The following PCDHA8 variants were observed in gnomAD, a reference collection of about 807,000 sequenced individuals.
The protein encoded by PCDHA8 is protocadherin alpha 8, also known as protocadherin alpha-8.
Under a neutral mutation model 61.8 loss-of-function variants are expected in PCDHA8, and 53 were observed. The observed-to-expected ratio is 0.86, with a 90% CI of 0.69 to 1.08. The LOEUF is 1.08. PCDHA8 is among the 50% of genes least tolerant of loss of function. PCDHA8 has a pLI of 0.00. For missense variants in PCDHA8, 1,293 were observed against 1,245.0 expected (o/e 1.04, Z -0.58); for synonymous variants, 618 against 556.6 (o/e 1.11, Z -1.55).
rs782673398 is a variant in PCDHA8, at chr5:140,875,932, C to A, written c.2394+32217C>A. ...TGCGCCTCTGGACTCTCATTTTCCTCTAGAGGGCGCTTCTGATGCGGATAT... is the reference window on the plus strand; with the variant it reads ...TGCGCCTCTGGACTCTCATTTTCCTATAGAGGGCGCTTCTGATGCGGATAT... On this transcript the variant is annotated intron_variant, in intron 1 of 3. Coordinates refer to ENST00000531613, the MANE Select transcript of PCDHA8 (RefSeq NM_018911.3). The A allele has an allele frequency of 3.1e-6, 5 of 1,614,154 alleles. No individual in the cohort carries two copies.
chr5:140,850,123 C>A (rs2150468826), intron 1 of PCDHA8: 9 of 1,595,920 alleles, frequency 5.6e-6, no homozygotes, highest in African/African-American at 2.7e-5. Context: ...GCGGGCGTGC[C>A]GCCTCTGGGC....
At chr5:140,982,253 A>T (rs1209317234) in intron 2 of PCDHA8, 1 of 777,640 alleles carries the variant, frequency 1.3e-6, no homozygotes, top group African/African-American at 1.8e-5. Flanking sequence ...AAGATAGAAC[A>T]TGTGTGTTCC....
chr5:140,924,921 T>A (rs1167960449), intron 1 of PCDHA8, among the ~76,000 whole-genome samples: 5 of 126,218 alleles, frequency 4.0e-5, no homozygotes, highest in African/African-American at 1.5e-4. Context: ...TAAAATAAAA[T>A]AAAATAAAAT....
rs561153933 is a variant in PCDHA8, at chr5:140,927,279, G to A, written c.2395-51670G>A. Reference sequence around the variant, plus strand: ...CACCTCTCTTTCCTGCCGGCGACGTGCAGCTGCACATCCCCGAGTTCCTGA... The same window carrying A: ...CACCTCTCTTTCCTGCCGGCGACGTACAGCTGCACATCCCCGAGTTCCTGA... On this transcript the variant is annotated intron_variant, in intron 1 of 3. Transcript: ENST00000531613. 14 of 1,614,136 alleles carry A rather than the reference G, an allele frequency of 8.7e-6. 1 individual carries two copies. The South Asian group carries it at 1.4e-4, about 16-fold the overall frequency.
chr5:140,842,313 C>A lies in PCDHA8; in HGVS notation c.992C>A (p.Ala331Glu). The change falls in exon 1 of 4, where the codon GCG becomes GAG. Residue 331 changes from alanine (A) to glutamate (E), a missense_variant. Ala to Glu is a moderately radical substitution (Grantham distance 107). Coordinates refer to ENST00000531613, the MANE Select transcript of PCDHA8 (RefSeq NM_018911.3). ...DATDKGHPPM[A>E]GHCTVLVRIL... is the part of the protein sequence containing the mutation. ...ACGGACAAAGGCCATCCTCCCATGG[C>A]GGGTCATTGCACCGTTTTAGTGAGA... 1 of 1,607,028 alleles carries A rather than the reference C, an allele frequency of 6.2e-7. No individual in the cohort carries two copies. Among genetic ancestry groups the A allele is most frequent in the Non-Finnish European group, 8.5e-7 (1 of 1,173,850 alleles).
chr5:140,912,101 A>G (rs781989328), intron 1 of PCDHA8, among the ~76,000 whole-genome samples: 2 of 152,194 alleles, frequency 1.3e-5, no homozygotes, highest in Non-Finnish European at 2.9e-5. Context: ...CAGGAGAAAG[A>G]TGTAGGCTGG....
intron 1 of PCDHA8, chr5:140,876,529 A>G (rs375358450): frequency 1.2e-5 from 19 of 1,614,034 alleles, no homozygotes; most frequent in Non-Finnish European, 1.5e-5. Context: ...AGTAATGGTT[A>G]CTTCACTGTC....
In PCDHA8 at chr5:140,893,987, T is replaced by C. The variant is rs112405686; in HGVS notation, c.2394+50272T>C. Among the ~76,000 whole-genome samples, 507 of 152,320 alleles carry C rather than the reference T, an allele frequency of 3.3e-3. 2 individuals carry two copies. The highest frequency in any genetic ancestry group is 0.012 in the African/African-American group (487 of 41,562). ...TAGATACTTTTATAATTTTAAAATA[T>C]CTCCAATTGTATGGTTGGTTCAAAT... is the stretch of plus-strand genomic sequence containing the variant. On this transcript the variant is annotated intron_variant, in intron 1 of 3. Transcript: ENST00000531613.
In PCDHA8 at chr5:140,858,646, T is replaced by C. The variant is rs542211136; in HGVS notation, c.2394+14931T>C. 2.7e-5 allele frequency: 22 copies of C among 817,764 alleles called. 1 individual carries two copies. In the African/African-American group the frequency reaches 3.5e-4, roughly 13 times the overall value. 50.7% of individuals were successfully genotyped at this position (817,764 alleles called of 1,614,324 possible). A position where few individuals can be genotyped will look rare whatever the true frequency, so the allele number is the denominator to read the frequency against. On this transcript the variant is annotated intron_variant, in intron 1 of 3. Coordinates refer to ENST00000531613, the MANE Select transcript of PCDHA8 (RefSeq NM_018911.3). ...AGTGTGTCAGCCTTTGATTGGTACT[T>C]AAATTTTTTTAAATAACAATTTATT...
chr5:140,870,198 C>A, intron 1 of PCDHA8: 2 of 1,614,172 alleles, frequency 1.2e-6, no homozygotes, highest in Non-Finnish European at 1.7e-6. Flanking sequence ...CTCAGCCCAG[C>A]ACGGTCATTG....
At chr5:140,898,306 G>T (rs192633483) in intron 1 of PCDHA8, among the ~76,000 whole-genome samples, 3 of 152,228 alleles carry the variant, frequency 2.0e-5, no homozygotes, top group African/African-American at 4.8e-5. Flanking sequence ...TTTCTTCTAG[G>T]GTTTTTATGG....
Position 140,896,583 on chromosome 5 carries a change from GC to G in PCDHA8, c.2394+52870del, listed in dbSNP as rs1194968470. The stretch of plus-strand genomic sequence containing the variant: ...GTAGAGATGGGGTTTTGACGTGTTG[GC>G]CAGGCTGGTCTCGAACTCCTGGTCT... On this transcript the variant is annotated intron_variant, in intron 1 of 3. Coordinates refer to ENST00000531613, the MANE Select transcript of PCDHA8 (RefSeq NM_018911.3). Among the ~76,000 whole-genome samples, 4 of 151,654 alleles carry G rather than the reference GC, an allele frequency of 2.6e-5. No individual in the cohort carries two copies. In the East Asian group the frequency reaches 7.8e-4, roughly 29 times the overall value.
At chr5:140,866,405 A>G (rs2049336607) in intron 1 of PCDHA8, 1 of 152,116 alleles carries the variant, frequency 6.6e-6, no homozygotes, top group Admixed American at 6.6e-5. Context: ...TCCCATGAAA[A>G]TCTTCAAATG....
rs2150461572 is a variant in PCDHA8 at position 140,849,985 on chromosome 5, G to T, written c.2394+6270G>T. On this transcript the variant is annotated intron_variant, in intron 1 of 3. Transcript: ENST00000531613. Reference sequence around the variant, plus strand: ...CTGGTGTCCTACTCGCTGGTGGAGCGGCGGTTGGGCGAGCGCTCGCTGTCG... The same window carrying T: ...CTGGTGTCCTACTCGCTGGTGGAGCTGCGGTTGGGCGAGCGCTCGCTGTCG... 32 of 1,597,274 alleles carry T rather than the reference G, an allele frequency of 2.0e-5. No homozygotes were observed. In the East Asian group the frequency reaches 2.2e-4, roughly 11 times the overall value.
intron 1 of PCDHA8, chr5:140,967,828 CATCGTGG>C: frequency 6.2e-7 from 1 of 1,614,146 alleles, no homozygotes. Flanking sequence ...TGCTGGTGGA[CATCGTGG>C]ACGTGAATGA....
At chr5:140,987,722 T>C (rs2097265966) in intron 3 of PCDHA8, among the ~76,000 whole-genome samples, 1 of 152,204 alleles carries the variant, frequency 6.6e-6, no homozygotes, top group Admixed American at 6.5e-5. Context: ...GAGTCTATCC[T>C]ACAGCTTCAA....
Position 140,876,332 on chromosome 5 carries a change from T to C in PCDHA8, c.2394+32617T>C. On this transcript the variant is annotated intron_variant, in intron 1 of 3. Coordinates refer to ENST00000531613, the MANE Select transcript of PCDHA8 (RefSeq NM_018911.3). ...TATGGGATCAAAATGATTTTGCCAGTGAGTGAGAAATGTATGTTTTCAATA... is the reference window on the plus strand; with the variant it reads ...TATGGGATCAAAATGATTTTGCCAGCGAGTGAGAAATGTATGTTTTCAATA... 6.2e-7 allele frequency: 1 copy of C among 1,613,990 alleles called. No homozygotes were observed. Among genetic ancestry groups the C allele is most frequent in the Non-Finnish European group, 8.5e-7 (1 of 1,179,896 alleles).
At chr5:140,944,966 C>A (rs1554216639) in intron 1 of PCDHA8, among the ~76,000 whole-genome samples, 1 of 152,080 alleles carries the variant, frequency 6.6e-6, no homozygotes, top group Non-Finnish European at 1.5e-5. Context: ...ATTATCTTAA[C>A]CTCTCTGGTG....
chr5:140,843,802 G>A (rs2150366922), intron 1 of PCDHA8, 87 bp downstream of exon 1: 2 of 1,291,294 alleles, frequency 1.5e-6, no homozygotes, highest in South Asian at 1.4e-5. Flanking sequence ...GTTTTTCACC[G>A]TATTTTATAG....
Sources: gnomAD v4.1 joint callset for allele counts (sites outside exome capture counted in the v4.1 genomes callset) on GRCh38, gnomAD v4.1.1 for gene constraint, MANE v1.5 for transcripts, NCBI Gene and HGNC (gene_info 2026-07-23, HGNC 2026-07-21) for gene names.